ADAM12: variants seen among roughly 807,000 people sequenced by gnomAD.
ADAM12 encodes disintegrin and metalloproteinase domain-containing protein 12.
Under a neutral mutation model 106.4 loss-of-function variants are expected in ADAM12, and 70 were observed. That is an observed-to-expected ratio of 0.66 (90% confidence interval 0.54 to 0.80). The LOEUF (loss-of-function observed/expected upper bound fraction) is 0.80. Among genes scored for constraint, ADAM12 ranks in the 30% least tolerant of loss-of-function variants. The pLI, the probability that ADAM12 is intolerant of heterozygous loss-of-function variation, is 0.00. For missense variants in ADAM12, 1,010 were observed against 1,171.9 expected (o/e 0.86, Z 2.02); for synonymous variants, 420 against 433.5 (o/e 0.97, Z 0.39).
At chr10:126,374,478 T>C (rs774550234) in intron 1 of ADAM12, among the ~76,000 whole-genome samples, 1 of 152,152 alleles carries the variant, frequency 6.6e-6, no homozygotes, top group Non-Finnish European at 1.5e-5. Flanking sequence ...TAAAAGATAA[T>C]TTTAAAATAT....
Position 126,049,266 on chromosome 10 carries a change from C to T in ADAM12, c.1904G>A (p.Cys635Tyr), listed in dbSNP as rs1375664495. 2 of 1,613,996 alleles carry T rather than the reference C, an allele frequency of 1.2e-6. No homozygotes were observed. The highest frequency in any genetic ancestry group is 2.2e-5 in the East Asian group (1 of 44,896). The change falls in exon 16 of 23, where the codon TGT becomes TAT. Residue 635 changes from cysteine to tyrosine, a missense_variant. Cys to Tyr is a radical substitution (Grantham distance 194, BLOSUM62 -2). Around this residue, in one of 3 missense-constraint regions of ADAM12, gnomAD observed 615 missense variants for 708.5 expected, o/e 0.87. Coordinates refer to ENST00000448723, the MANE Select transcript of ADAM12 (RefSeq NM_001288973.2). The surrounding 1 kb of genome is among the most constrained non-coding windows in gnomAD (Gnocchi z 4.4). ...TTTGGGTCTTACTTTTCCATCTGCA[C>T]ACTTTGTGCCTGCAAGCACAAGCCC... The part of the protein sequence containing the change: ...DPGLVLAGTK[C>Y]ADGKICLNRQ...
At chr10:126,184,033 C>A (rs904558230) in intron 3 of ADAM12, among the ~76,000 whole-genome samples, 2 of 152,156 alleles carry the variant, frequency 1.3e-5, no homozygotes, top group African/African-American at 4.8e-5. Flanking sequence ...TGTGAAATAT[C>A]TAATAACGTC....
intron 3 of ADAM12, among the ~76,000 whole-genome samples, chr10:126,260,503 A>T (rs4962541): frequency 0.77 from 116,998 of 151,888 alleles, 45,752 homozygotes; most frequent in East Asian, 0.85. Flanking sequence ...CTACTGGGGA[A>T]AAGAGTAAAA....
At chr10:126,248,636 A>C (rs958818208) in intron 3 of ADAM12, among the ~76,000 whole-genome samples, 1 of 151,980 alleles carries the variant, frequency 6.6e-6, no homozygotes, top group African/African-American at 2.4e-5. Context: ...GTATTGTTTT[A>C]GGAGCCTCAC....
At chr10:126,225,651 A>G (rs184196957) in intron 3 of ADAM12, among the ~76,000 whole-genome samples, 19 of 152,338 alleles carry the variant, frequency 1.2e-4, no homozygotes, top group Admixed American at 6.5e-4. Context: ...ATTCCCCTTC[A>G]CAAAGCAGAC....
At chr10:126,231,325 G>A (rs1958305823) in intron 3 of ADAM12, among the ~76,000 whole-genome samples, 2 of 151,426 alleles carry the variant, frequency 1.3e-5, no homozygotes, top group Non-Finnish European at 2.9e-5. Flanking sequence ...TAACAACGAT[G>A]TCTTCTTAGG....
At chr10:126,074,872 C>T (rs766441792) in intron 11 of ADAM12, among the ~76,000 whole-genome samples, 4 of 152,158 alleles carry the variant, frequency 2.6e-5, no homozygotes, top group Non-Finnish European at 5.9e-5. Context: ...GGCTCCTTTC[C>T]ACATGGCCTG....
chr10:126,328,100 C>G (rs1371949476), intron 2 of ADAM12, among the ~76,000 whole-genome samples: 1 of 152,234 alleles, frequency 6.6e-6, no homozygotes, highest in East Asian at 1.9e-4. Context: ...CCTGCTGGCC[C>G]CTAGAATACT....
chr10:126,231,898 A>C (rs1383210800), intron 3 of ADAM12, among the ~76,000 whole-genome samples: 1 of 152,110 alleles, frequency 6.6e-6, no homozygotes, highest in Admixed American at 6.5e-5. Flanking sequence ...CTCAGTGTAG[A>C]TTCTTTTGAT....
At chr10:126,036,071 T>G (rs1486243518) in intron 21 of ADAM12, 75 bp downstream of exon 21, 1 of 1,279,134 alleles carries the variant, frequency 7.8e-7, no homozygotes, top group Admixed American at 3.2e-5. Flanking sequence ...AAGCAACTTA[T>G]CTAAGCTCAC....
intron 22 of ADAM12, among the ~76,000 whole-genome samples, chr10:126,018,813 G>C (rs1457750910): frequency 6.6e-6 from 1 of 152,110 alleles, no homozygotes; most frequent in Admixed American, 6.5e-5. Context: ...TTTGCCCATT[G>C]TCCCTGTTTT....
intron 2 of ADAM12, among the ~76,000 whole-genome samples, chr10:126,321,733 C>T (rs1321512629): frequency 6.6e-6 from 1 of 152,192 alleles, no homozygotes; most frequent in Non-Finnish European, 1.5e-5. Flanking sequence ...ACCATGACCT[C>T]AGCTGTCTGG....
At chr10:126,344,730 G>GA (rs1855069318) in intron 1 of ADAM12, among the ~76,000 whole-genome samples, 1 of 152,098 alleles carries the variant, frequency 6.6e-6, no homozygotes, top group African/African-American at 2.4e-5. Flanking sequence ...CCTTGAAGAG[G>GA]TTCTTCACAT....
At chr10:126,387,889 T>TG (rs548403267) in intron 1 of ADAM12, among the ~76,000 whole-genome samples, 169 bp downstream of exon 1, 12,265 of 81,992 alleles carry the variant, frequency 0.15, 1,135 homozygotes, top group South Asian at 0.23. Context: ...AATTGGCACC[T>TG]GGGGGGGGGG....
rs573803424 is a variant in ADAM12, at chr10:126,065,458, G to A, written c.1414-457C>T. 4.6e-5 allele frequency among the ~76,000 whole-genome samples: 7 copies of A among 152,296 alleles called. 1 individual carries two copies. The East Asian group carries it at 7.7e-4, about 17-fold the overall frequency. ...AAAATAACTTTAAGGTCACAATCAC[G>A]ATAGCAATTTTAGTCAGTCGTCAAA... is the stretch of plus-strand genomic sequence containing the variant. On this transcript the variant is annotated intron_variant, in intron 13 of 22. Coordinates refer to ENST00000448723, the MANE Select transcript of ADAM12 (RefSeq NM_001288973.2).
chr10:126,044,627 A>G (rs1236673979), intron 17 of ADAM12, among the ~76,000 whole-genome samples: 2 of 152,256 alleles, frequency 1.3e-5, no homozygotes, highest in Non-Finnish European at 2.9e-5. Context: ...AAGGCAAAAT[A>G]AAATGCGTAG....
At chr10:126,028,156 A>G (rs918647751) in intron 21 of ADAM12, among the ~76,000 whole-genome samples, 4 of 152,216 alleles carry the variant, frequency 2.6e-5, no homozygotes, top group South Asian at 4.1e-4. Flanking sequence ...AAGGAGAACT[A>G]CACCACTGCT....
At chr10:126,269,798 C>T (rs4019590) in intron 3 of ADAM12, among the ~76,000 whole-genome samples, 141,015 of 152,232 alleles carry the variant, frequency 0.93, 66,062 homozygotes, top group East Asian at 1. Context: ...CAAATGCCCT[C>T]TCTCATTCTT....
chr10:126,274,887 C>T (rs1959208934), intron 3 of ADAM12, among the ~76,000 whole-genome samples: 1 of 152,202 alleles, frequency 6.6e-6, no homozygotes, highest in Admixed American at 6.5e-5. Context: ...AAGATAAATG[C>T]CTTTCCAAAT....
Sources: allele counts gnomAD v4.1 joint callset (sites outside exome capture counted in the v4.1 genomes callset), GRCh38; gene constraint gnomAD v4.1.1; regional missense constraint gnomAD v4.1.1; non-coding constraint Gnocchi (gnomAD v3.1); transcripts MANE v1.5; gene names NCBI Gene and HGNC (gene_info 2026-07-23, HGNC 2026-07-21).